The following ESF1 variants were observed in gnomAD, a reference collection of about 807,000 sequenced individuals.
The protein encoded by ESF1 is ESF1 homolog.
A neutral mutation model predicts 92.0 loss-of-function variants in ESF1; 58 were observed. The observed-to-expected ratio is 0.63, with a 90% confidence interval of 0.51 to 0.78. The LOEUF is 0.78. ESF1 is among the 30% of genes least tolerant of loss of function. ESF1 has a pLI of 0.00. For synonymous variants in ESF1, 321 were observed against 313.7 expected (o/e 1.02, Z -0.24); for missense variants, 922 against 989.1 (o/e 0.93, Z 0.91).
At chr20:13,746,697 G>A (rs2050051539) in intron 9 of ESF1, among the ~76,000 whole-genome samples, 1 of 152,142 alleles carries the variant, frequency 6.6e-6, no homozygotes, top group South Asian at 2.1e-4. Context: ...TGAGGCTGGG[G>A]TACAACCTAA....
intron 13 of ESF1, among the ~76,000 whole-genome samples, chr20:13,716,499 A>G (rs2049825768): frequency 6.6e-6 from 1 of 152,164 alleles, no homozygotes; most frequent in Non-Finnish European, 1.5e-5. Flanking sequence ...TGGCTACCAA[A>G]ATACAAGTCA....
At chr20:13,780,486 G>A (rs554071922) in intron 2 of ESF1, among the ~76,000 whole-genome samples, 7 of 152,262 alleles carry the variant, frequency 4.6e-5, no homozygotes, top group African/African-American at 1.7e-4. Flanking sequence ...TCTGCTGCCT[G>A]GTTCCACTAC....
At chr20:13,767,958 A>T (rs930649155) in intron 7 of ESF1, among the ~76,000 whole-genome samples, 2 of 152,230 alleles carry the variant, frequency 1.3e-5, no homozygotes, top group East Asian at 3.8e-4. Flanking sequence ...CTGAGCTGAT[A>T]ACCACCAAAA....
intron 2 of ESF1, among the ~76,000 whole-genome samples, chr20:13,777,940 G>A (rs1446547772): frequency 1.3e-5 from 2 of 152,164 alleles, no homozygotes; most frequent in East Asian, 3.9e-4. Flanking sequence ...TATTTACTGA[G>A]TATCTACTAC....
chr20:13,751,944 A>G (rs1371596175), intron 9 of ESF1, among the ~76,000 whole-genome samples: 1 of 152,300 alleles, frequency 6.6e-6, no homozygotes, highest in East Asian at 1.9e-4. Flanking sequence ...GCAGTGAGCC[A>G]AGATAGCACC....
At chr20:13,762,734 T>C (rs1332607549) in intron 8 of ESF1, 1 of 317,208 alleles carries the variant, frequency 3.2e-6, no homozygotes. Flanking sequence ...TATGCTGATG[T>C]ATCTATGAGA....
chr20:13,720,858 C>T (rs902238449), intron 11 of ESF1, among the ~76,000 whole-genome samples: 4 of 152,226 alleles, frequency 2.6e-5, no homozygotes, highest in Middle Eastern at 3.2e-3. Flanking sequence ...CAGTGGCTCA[C>T]ACCTGTAATC....
intron 8 of ESF1, among the ~76,000 whole-genome samples, chr20:13,766,002 A>G (rs1349915269): frequency 6.6e-6 from 1 of 152,242 alleles, no homozygotes; most frequent in African/African-American, 2.4e-5. Context: ...AACCAAGATT[A>G]AGACTGAATG....
At chr20:13,732,245 C>A (rs749321072) in intron 10 of ESF1, among the ~76,000 whole-genome samples, 3 of 152,186 alleles carry the variant, frequency 2.0e-5, no homozygotes, top group Non-Finnish European at 4.4e-5. Flanking sequence ...CCGGTGTCCA[C>A]TGGTTAGTGT....
chr20:13,759,918 A>C, intron 8 of ESF1, 65 bp from the exon 9 acceptor site: 1 of 1,503,592 alleles, frequency 6.7e-7, no homozygotes, highest in East Asian at 2.4e-5. Context: ...TTCAGATCTT[A>C]TGGTCACTCT....
At chr20:13,747,432 A>G (rs6042335) in intron 9 of ESF1, among the ~76,000 whole-genome samples, 137,098 of 151,728 alleles carry the variant, frequency 0.9, 62,027 homozygotes, top group East Asian at 1. Flanking sequence ...GGTGGTGCAC[A>G]CCTGTAGTCC....
intron 8 of ESF1, among the ~76,000 whole-genome samples, chr20:13,764,348 A>G (rs1352894083): frequency 6.6e-6 from 1 of 152,170 alleles, no homozygotes; most frequent in Non-Finnish European, 1.5e-5. Context: ...CAACCCGGCA[A>G]CCAGTTTCCA....
At chr20:13,783,332 A>T in intron 1 of ESF1, 149 bp from the exon 2 acceptor site, 1 of 663,010 alleles carries the variant, frequency 1.5e-6, no homozygotes, top group Non-Finnish European at 2.4e-6. Flanking sequence ...CATCTCTCCA[A>T]CGTATTCTGG....
chr20:13,777,766 A>G (rs767960590), intron 2 of ESF1, among the ~76,000 whole-genome samples: 2 of 151,222 alleles, frequency 1.3e-5, no homozygotes, highest in Admixed American at 6.6e-5. Flanking sequence ...GTGTGTAGAT[A>G]TATCTTACGT....
At chr20:13,739,685 A>C (rs940712891) in intron 9 of ESF1, among the ~76,000 whole-genome samples, 8 of 151,804 alleles carry the variant, frequency 5.3e-5, no homozygotes, top group Non-Finnish European at 1.2e-4. Context: ...AGAAAACAAA[A>C]GGAATTTCTT....
intron 8 of ESF1, among the ~76,000 whole-genome samples, chr20:13,763,155 C>T (rs1276715819): frequency 6.6e-6 from 1 of 152,092 alleles, no homozygotes; most frequent in African/African-American, 2.4e-5. Flanking sequence ...GCTGCCGTGC[C>T]CGGCCTATTT....
At chr20:13,784,284 A>ATCC (rs1555828480) in intron 1 of ESF1, among the ~76,000 whole-genome samples, 5 of 143,914 alleles carry the variant, frequency 3.5e-5, no homozygotes, top group Admixed American at 1.4e-4. Flanking sequence ...TTATTAAGCA[A>ATCC]CCCCCCCCCA....
rs770564525 is a variant in ESF1, at chr20:13,772,505, GA to G, written c.1250+9del. On this transcript the variant is annotated intron_variant, in intron 5 of 13. Coordinates refer to ENST00000617257, the MANE Select transcript of ESF1 (RefSeq NM_001276380.2). Reference sequence around the variant, plus strand: ...GAGGTTTAGTTTTATGTTCTATAGTGATTTAATACCAGTCTTTTTCTGGGGC... The same window carrying G: ...GAGGTTTAGTTTTATGTTCTATAGTGTTTAATACCAGTCTTTTTCTGGGGC... 1.9e-6 allele frequency: 3 copies of G among 1,566,954 alleles called. No individual in the cohort carries two copies. The highest frequency in any genetic ancestry group is 2.6e-6 in the Non-Finnish European group (3 of 1,138,478).
intron 4 of ESF1, 73 bp downstream of exon 4, chr20:13,775,084 A>C: frequency 4.8e-5 from 4 of 83,168 alleles, no homozygotes; most frequent in Non-Finnish European, 6.1e-5. Flanking sequence ...ACTATGGCCA[A>C]AAAAAAAAAA....
Sources: gnomAD v4.1 joint callset for allele counts (sites outside exome capture counted in the v4.1 genomes callset) on GRCh38, gnomAD v4.1.1 for gene constraint, MANE v1.5 for transcripts, NCBI Gene and HGNC (gene_info 2026-07-23, HGNC 2026-07-21) for gene names.